SRPK2: variants seen among roughly 807,000 people sequenced by gnomAD.
SRPK2 encodes the protein SFRS protein kinase 2.
SRPK2 carries 21 observed loss-of-function variants against 90.8 expected under a neutral mutation model. That is an observed-to-expected ratio of 0.23 (90% CI 0.16 to 0.33). SRPK2 has a LOEUF of 0.33. Ranked by LOEUF, SRPK2 falls within the 10% of genes least tolerant of loss-of-function variation. SRPK2 has a pLI of 1.00. For synonymous variants in SRPK2, 288 were observed against 311.1 expected, an observed-to-expected ratio of 0.93 and a Z score of 0.78; for missense variants, 620 against 869.0, an observed-to-expected ratio of 0.71 and a Z score of 3.60.
At chr7:105,141,578 T>A (rs1209349892) in intron 11 of SRPK2, among the ~76,000 whole-genome samples, 1 of 152,166 alleles carries the variant, frequency 6.6e-6, no homozygotes, top group East Asian at 1.9e-4. Flanking sequence ...AAAGACAATA[T>A]GACACTTCTT....
chr7:105,382,157 G>C (rs1402273758), intron 2 of SRPK2, among the ~76,000 whole-genome samples: 1 of 77,144 alleles, frequency 1.3e-5, no homozygotes, highest in Admixed American at 1.7e-4. Flanking sequence ...GACAGAGCAA[G>C]ATGCCATCTC....
At chr7:105,363,494 A>C (rs200323254) in intron 2 of SRPK2, among the ~76,000 whole-genome samples, 2 of 152,156 alleles carry the variant, frequency 1.3e-5, no homozygotes, top group Admixed American at 6.6e-5. Context: ...TCTCACACCA[A>C]TTAGAATGGC....
At chr7:105,361,235 G>C (rs1301353268) in intron 2 of SRPK2, among the ~76,000 whole-genome samples, 1 of 152,102 alleles carries the variant, frequency 6.6e-6, no homozygotes, top group African/African-American at 2.4e-5. Context: ...TTGCTACAAA[G>C]AGAATACAAT....
At chr7:105,153,162 C>T (rs1474324093) in intron 7 of SRPK2, among the ~76,000 whole-genome samples, 1 of 152,188 alleles carries the variant, frequency 6.6e-6, no homozygotes, top group Non-Finnish European at 1.5e-5. Context: ...TCATCCCACT[C>T]AGGGAGCCAT....
At chr7:105,319,859 CCTT>C (rs1319725624) in intron 2 of SRPK2, among the ~76,000 whole-genome samples, 5 of 146,756 alleles carry the variant, frequency 3.4e-5, no homozygotes, top group Non-Finnish European at 7.5e-5. Flanking sequence ...CACTTCCCCC[CCTT>C]TTTTTTTTTT....
At chr7:105,175,504 A>G (rs1432945559) in intron 3 of SRPK2, among the ~76,000 whole-genome samples, 2 of 152,258 alleles carry the variant, frequency 1.3e-5, no homozygotes, top group Admixed American at 6.5e-5. Context: ...CGGAAGAATG[A>G]AAATATAATA....
intron 2 of SRPK2, among the ~76,000 whole-genome samples, chr7:105,327,036 C>A (rs1813671049): frequency 6.9e-6 from 1 of 145,970 alleles, no homozygotes; most frequent in East Asian, 2.1e-4. Context: ...GCACTCCAAC[C>A]AACCTGGGCG....
chr7:105,253,539 T>C (rs1802779868), intron 2 of SRPK2, among the ~76,000 whole-genome samples: 1 of 152,152 alleles, frequency 6.6e-6, no homozygotes, highest in African/African-American at 2.4e-5. Flanking sequence ...TTTTCCCGCT[T>C]ATGCAAGTAT....
At chr7:105,322,086 T>C (rs1010312311) in intron 2 of SRPK2, among the ~76,000 whole-genome samples, 3 of 152,092 alleles carry the variant, frequency 2.0e-5, no homozygotes, top group South Asian at 2.1e-4. Context: ...TCCTGGTGTA[T>C]AGATACAATG....
At position 105,357,161 on chromosome 7, in the gene SRPK2, C is replaced by T. The variant is rs189068988; in HGVS notation, c.71+31487G>A. On this transcript the variant is annotated intron_variant, in intron 2 of 15. Coordinates refer to ENST00000393651, the MANE Select transcript of SRPK2 (RefSeq NM_182692.3). Reference sequence around the variant, plus strand: ...ATGCCATTCTCCTGCCTCAGCCTCCCGGGTAGCTGGGACTACAGGCGCCCA... The same window carrying T: ...ATGCCATTCTCCTGCCTCAGCCTCCTGGGTAGCTGGGACTACAGGCGCCCA... Among the ~76,000 whole-genome samples the T allele has an allele frequency of 3.7e-4, 57 of 152,080 alleles. 2 individuals carry two copies. The East Asian group carries it at 0.01, about 27-fold the overall frequency.
chr7:105,235,057 G>A (rs994010768), intron 2 of SRPK2, among the ~76,000 whole-genome samples: 3 of 146,712 alleles, frequency 2.0e-5, no homozygotes. Context: ...CTTATGTGTG[G>A]CCCAAGCCAA....
In SRPK2 at chr7:105,155,115, GA is replaced by G. The variant is rs548839103; in HGVS notation, c.621+5391del. ...CTTGCCGCAGCCTCCCAAGTAGCTG[GA>G]ACTATATGTATGTGCCACCACTCCC... On this transcript the variant is annotated intron_variant, in intron 7 of 15. Coordinates refer to ENST00000393651, the MANE Select transcript of SRPK2 (RefSeq NM_182692.3). 1.3e-4 allele frequency among the ~76,000 whole-genome samples: 20 copies of G among 152,188 alleles called. No individual in the cohort carries two copies. In the South Asian group the frequency reaches 3.3e-3, roughly 25 times the overall value.
intron 11 of SRPK2, among the ~76,000 whole-genome samples, chr7:105,133,634 G>C (rs529356154): frequency 6.6e-6 from 1 of 152,290 alleles, no homozygotes; most frequent in African/African-American, 2.4e-5. Context: ...CCACTGCTTG[G>C]GCTGAGCACA....
At chr7:105,288,354 T>C (rs1302852193) in intron 2 of SRPK2, among the ~76,000 whole-genome samples, 1 of 152,150 alleles carries the variant, frequency 6.6e-6, no homozygotes, top group Non-Finnish European at 1.5e-5. Flanking sequence ...CCCAGCACTT[T>C]GGGAGGTAGG....
chr7:105,372,186 G>A (rs1222603754), intron 2 of SRPK2, among the ~76,000 whole-genome samples: 2 of 142,016 alleles, frequency 1.4e-5, no homozygotes, highest in African/African-American at 5.1e-5. Context: ...CCATTTAACT[G>A]ATTCAAAAAG....
chr7:105,303,800 A>G (rs1810849532), intron 2 of SRPK2, among the ~76,000 whole-genome samples: 1 of 152,228 alleles, frequency 6.6e-6, no homozygotes, highest in Non-Finnish European at 1.5e-5. Context: ...ATGGTTACAT[A>G]GTAAAAAAAC....
chr7:105,350,708 G>C (rs535031111), intron 2 of SRPK2, among the ~76,000 whole-genome samples: 73 of 151,384 alleles, frequency 4.8e-4, no homozygotes, highest in African/African-American at 1.7e-3. Flanking sequence ...TATTAGTAGA[G>C]ACGGGGTTTC....
At chr7:105,165,377 G>T (rs1259763321) in intron 6 of SRPK2, among the ~76,000 whole-genome samples, 1 of 152,210 alleles carries the variant, frequency 6.6e-6, no homozygotes, top group Non-Finnish European at 1.5e-5. Flanking sequence ...ACTAGTATTA[G>T]TGAGAGGTGA....
At chr7:105,188,879 G>A (rs1361009661) in intron 3 of SRPK2, among the ~76,000 whole-genome samples, 2 of 152,284 alleles carry the variant, frequency 1.3e-5, no homozygotes, top group East Asian at 1.9e-4. Flanking sequence ...AGAATTGGTG[G>A]ATAGCCCCAA....
Sources: allele counts gnomAD v4.1 joint callset (sites outside exome capture counted in the v4.1 genomes callset), GRCh38; gene constraint gnomAD v4.1.1; transcripts MANE v1.5; gene names NCBI Gene and HGNC (gene_info 2026-07-23, HGNC 2026-07-21).